SLC9B2: variants seen among roughly 807,000 people sequenced by gnomAD.
SLC9B2 encodes sodium/hydrogen exchanger 9B2.
SLC9B2 carries 39 observed loss-of-function variants against 52.2 expected under a neutral mutation model. The ratio of observed to expected loss-of-function variants is 0.75; its 90% CI spans 0.58 to 0.98. SLC9B2 has a LOEUF of 0.98. SLC9B2 is among the 50% of genes least tolerant of loss of function. The pLI is 0.00. For missense variants in SLC9B2, 626 were observed against 637.5 expected (o/e 0.98, Z 0.19); for synonymous variants, 214 against 227.0 (o/e 0.94, Z 0.51).
At position 103,048,933 on chromosome 4, in the gene SLC9B2, A is replaced by T; in HGVS notation, c.673T>A (p.Tyr225Asn). ...CATTGCCATGGTAAACCCAGCAGGT[A>T]ATGGGCAAGAAGAGCAGATGTGCAC... ...EACTSALLAHYLLGLPWQWGF... is the reference protein window; with the variant it reads ...EACTSALLAHNLLGLPWQWGF... Residue 225 changes from tyrosine to asparagine, a missense_variant, in exon 6 of 12, where the codon TAC (tyrosine) becomes AAC (asparagine). Transcript: ENST00000394785. 6 of 1,613,970 alleles carry T rather than the reference A, an allele frequency of 3.7e-6. No homozygotes were observed. The highest frequency in any genetic ancestry group is 5.1e-6 in the Non-Finnish European group (6 of 1,179,874).
chr4:103,065,484 A>T (rs1746042070), intron 3 of SLC9B2: 1 of 152,184 alleles, frequency 6.6e-6, no homozygotes, highest in African/African-American at 2.4e-5. Context: ...CACATGGTAA[A>T]TACATACAAT....
intron 3 of SLC9B2, among the ~76,000 whole-genome samples, chr4:103,062,354 G>A (rs1168885335): frequency 6.6e-6 from 1 of 151,612 alleles, no homozygotes; most frequent in East Asian, 1.9e-4. Flanking sequence ...AGGAGGTGGA[G>A]CTTGCAGTGA....
chr4:103,025,591 T>C lies in SLC9B2; in HGVS notation c.*779A>G, dbSNP rs926675744. ...TAATGTAATATTCATAAGACTGGCATAGATTTGAAACTTACCTATCTCCCA... is the reference window on the plus strand; with the variant it reads ...TAATGTAATATTCATAAGACTGGCACAGATTTGAAACTTACCTATCTCCCA... On this transcript the variant is annotated 3_prime_UTR_variant, in exon 12 of 12. Coordinates refer to ENST00000394785, the MANE Select transcript of SLC9B2 (RefSeq NM_178833.7). 2.0e-5 allele frequency: 3 copies of C among 152,140 alleles called. No homozygotes were observed. Among genetic ancestry groups the C allele is most frequent in the Admixed American group, 6.6e-5 (1 of 15,264 alleles). 9.4% of individuals were successfully genotyped at this position (152,140 alleles called of 1,614,324 possible). A position where few individuals can be genotyped will look rare whatever the true frequency, so the allele number is the denominator to read the frequency against.
intron 5 of SLC9B2, 97 bp from the exon 6 acceptor site, chr4:103,049,117 G>A: frequency 7.2e-7 from 1 of 1,381,744 alleles, no homozygotes; most frequent in Non-Finnish European, 9.7e-7. Flanking sequence ...ACCACGTCTG[G>A]GTCATCATGA....
chr4:103,041,242 A>C (rs1207990602), intron 9 of SLC9B2, among the ~76,000 whole-genome samples: 5 of 152,190 alleles, frequency 3.3e-5, no homozygotes, highest in Non-Finnish European at 7.3e-5. Context: ...AAAAACCAAA[A>C]ACCCAACTAT....
rs770861725 is a variant in SLC9B2, at chr4:103,066,502, C to T, written c.96G>A (p.Glu32=). 1 of 1,612,306 alleles carries T rather than the reference C, an allele frequency of 6.2e-7. No homozygotes were observed. The highest frequency in any genetic ancestry group is 8.5e-7 in the Non-Finnish European group (1 of 1,179,304). ...TPSMHQEAQE[E]TVMKLKGIDA... Reference sequence around the variant, plus strand: ...CTATACCTTTGAGCTTCATAACTGTCTCCTCCTGTGTTTAAAGTAATTTTA... The same window carrying T: ...CTATACCTTTGAGCTTCATAACTGTTTCCTCCTGTGTTTAAAGTAATTTTA... Residue 32 remains glutamate (E), a synonymous_variant, in exon 3 of 12, where the codon GAG becomes GAA. Coordinates refer to ENST00000394785, the MANE Select transcript of SLC9B2 (RefSeq NM_178833.7).
intron 9 of SLC9B2, among the ~76,000 whole-genome samples, chr4:103,033,056 T>G (rs1181228464): frequency 6.6e-6 from 1 of 152,198 alleles, no homozygotes; most frequent in Non-Finnish European, 1.5e-5. Flanking sequence ...ACTATTTGAT[T>G]TCTCTTTCCT....
chr4:103,064,563 T>A (rs1745937006), intron 3 of SLC9B2, among the ~76,000 whole-genome samples: 1 of 151,672 alleles, frequency 6.6e-6, no homozygotes, highest in South Asian at 2.1e-4. Flanking sequence ...ATAGGAAGAG[T>A]AGTTTGTTCT....
At chr4:103,047,608 T>C (rs945491567) in intron 6 of SLC9B2, among the ~76,000 whole-genome samples, 4 of 140,934 alleles carry the variant, frequency 2.8e-5, no homozygotes, top group Admixed American at 7.5e-5. Context: ...TGTGTTCTCA[T>C]TGTTCATTTC....
chr4:103,053,618 G>A (rs1302988299), intron 4 of SLC9B2, among the ~76,000 whole-genome samples: 1 of 152,110 alleles, frequency 6.6e-6, no homozygotes, highest in East Asian at 1.9e-4. Flanking sequence ...AGAATCATCT[G>A]GAGAGCTTTT....
chr4:103,039,548 A>G (rs1272678732), intron 9 of SLC9B2, among the ~76,000 whole-genome samples: 1 of 152,166 alleles, frequency 6.6e-6, no homozygotes, highest in African/African-American at 2.4e-5. Context: ...GTACTAAATT[A>G]GAAAAGATAT....
At position 103,062,513 on chromosome 4, in the gene SLC9B2, C is replaced by G. The variant is rs554404166; in HGVS notation, c.271+3814G>C. ...TTGAAACACAGTTGTAAATACATAG[C>G]AAATGGTATGTCTATAAGGTTTCTC... On this transcript the variant is annotated intron_variant, in intron 3 of 11. Coordinates refer to ENST00000394785, the MANE Select transcript of SLC9B2 (RefSeq NM_178833.7). Among the ~76,000 whole-genome samples, 3 of 152,210 alleles carry G rather than the reference C, an allele frequency of 2.0e-5. No homozygotes were observed. In the South Asian group the frequency reaches 6.2e-4, roughly 32 times the overall value.
downstream of SLC9B2, chr4:103,019,681 G>A (rs1037516483): frequency 4.1e-6 from 4 of 985,400 alleles, no homozygotes; most frequent in Non-Finnish European, 4.8e-6. Flanking sequence ...CGCCACCCAG[G>A]TGGGCAGGGT....
Position 103,057,897 on chromosome 4 carries a change from A to C in SLC9B2, c.346T>G (p.Phe116Val). Reference sequence around the variant, plus strand: ...CAATAGAATAGGATTATAATTCCAAATAGGTTTCCTCCAGGAAGACATTCA... The same window carrying C: ...CAATAGAATAGGATTATAATTCCAACTAGGTTTCCTCCAGGAAGACATTCA... Reference protein sequence around the residue: ...GSECLPGGNLFGIIILFYCAI... With the variant: ...GSECLPGGNLVGIIILFYCAI... The change falls in exon 4 of 12, where the codon TTT becomes GTT. Residue 116 changes from phenylalanine to valine, a missense_variant. Coordinates refer to ENST00000394785, the MANE Select transcript of SLC9B2 (RefSeq NM_178833.7). 1 of 1,614,062 alleles carries C rather than the reference A, an allele frequency of 6.2e-7. No individual in the cohort carries two copies. The highest frequency in any genetic ancestry group is 1.1e-5 in the South Asian group (1 of 91,046).
intron 9 of SLC9B2, among the ~76,000 whole-genome samples, chr4:103,034,922 A>G (rs2110584915): frequency 6.6e-6 from 1 of 152,204 alleles, no homozygotes; most frequent in East Asian, 1.9e-4. Flanking sequence ...GTGGAAGTAA[A>G]CTGCGTGACC....
chr4:103,039,159 G>T (rs1743417443), intron 9 of SLC9B2, among the ~76,000 whole-genome samples: 1 of 152,198 alleles, frequency 6.6e-6, no homozygotes, highest in Non-Finnish European at 1.5e-5. Flanking sequence ...TATACAGCTA[G>T]AAAGTAGTAG....
chr4:103,028,573 A>C (rs1742420271), intron 11 of SLC9B2, among the ~76,000 whole-genome samples, 174 bp downstream of exon 11: 1 of 152,170 alleles, frequency 6.6e-6, no homozygotes, highest in African/African-American at 2.4e-5. Context: ...ATCACATTTA[A>C]GGAATGAATA....
intron 11 of SLC9B2, among the ~76,000 whole-genome samples, chr4:103,027,851 T>C (rs1008846754): frequency 3.9e-5 from 6 of 152,124 alleles, no homozygotes; most frequent in African/African-American, 1.4e-4. Context: ...AAGAGCATAA[T>C]TGAAATCTGG....
At chr4:103,057,307 CACACAA>C (rs1430962453) in intron 4 of SLC9B2, among the ~76,000 whole-genome samples, 1 of 149,568 alleles carries the variant, frequency 6.7e-6, no homozygotes, top group African/African-American at 2.5e-5. Flanking sequence ...CACACACACA[CACACAA>C]ACACAAACAT....
Sources: allele counts gnomAD v4.1 joint callset (sites outside exome capture counted in the v4.1 genomes callset), GRCh38; gene constraint gnomAD v4.1.1; transcripts MANE v1.5; gene names NCBI Gene and HGNC (gene_info 2026-07-23, HGNC 2026-07-21).